PRKACB: variants seen among roughly 807,000 people sequenced by gnomAD.
PRKACB encodes the protein cAMP-dependent protein kinase catalytic subunit beta.
In PRKACB, 16 loss-of-function variants were observed where a neutral mutation model predicts 51.4. That is an observed-to-expected ratio of 0.31 (90% CI 0.21 to 0.47). The LOEUF is 0.47. Among genes scored for constraint, PRKACB ranks in the 20% least tolerant of loss-of-function variants. The pLI, the probability that PRKACB is intolerant of heterozygous loss-of-function variation, is 1.00. For missense variants in PRKACB, 309 were observed against 464.5 expected, an observed-to-expected ratio of 0.67 and a Z score of 3.08; for synonymous variants, 147 against 154.4, an observed-to-expected ratio of 0.95 and a Z score of 0.35.
At chr1:84,120,513 C>A (rs946852880) in intron 1 of PRKACB, among the ~76,000 whole-genome samples, 6 of 151,792 alleles carry the variant, frequency 4.0e-5, no homozygotes, top group Admixed American at 3.3e-4. Flanking sequence ...ATATAAAGAA[C>A]AATAATTGTG....
chr1:84,078,443 A>G, intron 1 of PRKACB: 2 of 1,560,442 alleles, frequency 1.3e-6, no homozygotes, highest in Non-Finnish European at 1.7e-6. Context: ...TCCGGGTCGC[A>G]GCTTCTGAGG....
chr1:84,205,174 C>T lies in PRKACB; in HGVS notation c.906+2369C>T, dbSNP rs985827304. 5 of 983,486 alleles carry T rather than the reference C, an allele frequency of 5.1e-6. No homozygotes were observed. The African/African-American group carries it at 7.0e-5, about 14-fold the overall frequency. 60.9% of individuals were successfully genotyped at this position (983,486 alleles called of 1,614,324 possible). A position where few individuals can be genotyped will look rare whatever the true frequency, so the allele number is the denominator to read the frequency against. The stretch of plus-strand genomic sequence containing the variant: ...GATATAAAATTATCCCCATCTCTTA[C>T]TCCCTTTACTCATCTAAAGTAGAAG... On this transcript the variant is annotated intron_variant, in intron 8 of 9. Transcript: ENST00000370685.
In PRKACB at chr1:84,084,666, C is replaced by G. The variant is rs551468452; in HGVS notation, c.46+6295C>G. Among the ~76,000 whole-genome samples, 5 of 152,192 alleles carry G rather than the reference C, an allele frequency of 3.3e-5. No homozygotes were observed. In the East Asian group the frequency reaches 9.6e-4, roughly 29 times the overall value. On this transcript the variant is annotated intron_variant, in intron 1 of 8. Coordinates refer to the PRKACB transcript ENST00000370688. ...GAAAAATTGAGCAGAATGTATTGTA[C>G]TGATTGCATGTGGGAAATGAGGAAA...
chr1:84,207,251 T>A (rs1393250668), intron 8 of PRKACB, among the ~76,000 whole-genome samples: 1 of 152,168 alleles, frequency 6.6e-6, no homozygotes, highest in Non-Finnish European at 1.5e-5. Context: ...GGGTGGATCA[T>A]AATCCTCTGC....
At chr1:84,106,003 T>TAAC (rs78204383) in intron 1 of PRKACB, among the ~76,000 whole-genome samples, 102,415 of 151,560 alleles carry the variant, frequency 0.68, 35,752 homozygotes, top group Non-Finnish European at 0.79. Flanking sequence ...GTAGAAATAA[T>TAAC]AATAACTATT....
At chr1:84,184,273 T>C (rs904977600) in intron 4 of PRKACB, 138 bp downstream of exon 4, 103 of 685,862 alleles carry the variant, frequency 1.5e-4, no homozygotes, top group Non-Finnish European at 3.3e-5. Context: ...GTTTGTGTAA[T>C]TAAATCCTAT....
intron 1 of PRKACB, among the ~76,000 whole-genome samples, chr1:84,132,992 A>G (rs989529582): frequency 1.3e-5 from 2 of 152,202 alleles, no homozygotes; most frequent in African/African-American, 2.4e-5. Flanking sequence ...TACAAAATCA[A>G]TGACAGACTT....
At chr1:84,136,490 CCACACACACACACA>C (rs60681226) in intron 1 of PRKACB, among the ~76,000 whole-genome samples, 6 of 146,650 alleles carry the variant, frequency 4.1e-5, no homozygotes, top group Non-Finnish European at 7.5e-5. Flanking sequence ...ACGGCCAAAA[CCACACACACACACA>C]CACACACACA....
At chr1:84,165,012 TG>T in intron 1 of PRKACB, 1 of 1,534,074 alleles carries the variant, frequency 6.5e-7, no homozygotes, top group Non-Finnish European at 8.8e-7. Context: ...TCATCATGAG[TG>T]GTAAGTATGC....
At chr1:84,159,435 G>A (rs898891270) in intron 1 of PRKACB, among the ~76,000 whole-genome samples, 1 of 151,906 alleles carries the variant, frequency 6.6e-6, no homozygotes, top group African/African-American at 2.4e-5. Context: ...AAATGTTATT[G>A]ATTTTTATAT....
chr1:84,116,870 A>G (rs1650678847), intron 1 of PRKACB, among the ~76,000 whole-genome samples: 1 of 152,176 alleles, frequency 6.6e-6, no homozygotes, highest in South Asian at 2.1e-4. Context: ...AATAGTAGTT[A>G]AAGTGGGCAT....
rs1663776600 is a variant in PRKACB, at chr1:84,182,347, A to G, written c.378+19A>G. ...GCAGAAGGTGAGTGTATTTGTTGTT[A>G]TTTACCTTCAGGGTAAACTTTAGTT... On this transcript the variant is annotated intron_variant, in intron 3 of 9. Coordinates refer to ENST00000370685, the MANE Select transcript of PRKACB (RefSeq NM_182948.4). 1 of 1,509,682 alleles carries G rather than the reference A, an allele frequency of 6.6e-7. No individual in the cohort carries two copies. The highest frequency in any genetic ancestry group is 1.4e-5 in the African/African-American group (1 of 71,644). 93.5% of individuals were successfully genotyped at this position (1,509,682 alleles called of 1,614,324 possible). A position where few individuals can be genotyped will look rare whatever the true frequency, so the allele number is the denominator to read the frequency against.
intron 1 of PRKACB, among the ~76,000 whole-genome samples, chr1:84,127,306 A>G (rs997842007): frequency 7.2e-5 from 11 of 152,194 alleles, no homozygotes; most frequent in African/African-American, 2.4e-4. Context: ...ATTTAAGCTT[A>G]TCATTAATAA....
At position 84,196,652 on chromosome 1, in the gene PRKACB, G is replaced by A. The variant is rs150449556; in HGVS notation, c.597G>A (p.Val199=). Residue 199 remains valine (V), a synonymous_variant, in exon 6 of 10, where the codon GTG becomes GTA. Transcript: ENST00000370685. ...PHARFYAAQI[V]LTFEYLHSLD... is the part of the protein sequence containing the mutation. ...CACGGTTCTATGCAGCTCAGATAGT[G>A]CTAACATTCGAGTACCTCCATTCAC... 1.3e-3 allele frequency: 2,153 copies of A among 1,613,622 alleles called. 3 individuals are homozygous for A. The highest frequency in any genetic ancestry group is 1.6e-3 in the Non-Finnish European group (1,847 of 1,179,684).
intron 1 of PRKACB, among the ~76,000 whole-genome samples, chr1:84,087,873 A>G (rs1648141463): frequency 6.6e-6 from 1 of 152,170 alleles, no homozygotes; most frequent in Non-Finnish European, 1.5e-5. Context: ...ATTGGCTATA[A>G]TTAATTTATT....
At chr1:84,173,416 A>G in intron 1 of PRKACB, 2 of 1,335,114 alleles carry the variant, frequency 1.5e-6, no homozygotes, top group Admixed American at 2.2e-5. Context: ...CTAAATTTTT[A>G]TGAGATATTT....
chr1:84,232,639 T>G (rs1203122296), intron 9 of PRKACB, among the ~76,000 whole-genome samples: 2 of 152,218 alleles, frequency 1.3e-5, no homozygotes, highest in Non-Finnish European at 2.9e-5. Context: ...GCTCTTCTTG[T>G]TGAATTGATC....
At chr1:84,118,336 T>C (rs977000941) in intron 1 of PRKACB, among the ~76,000 whole-genome samples, 4 of 152,182 alleles carry the variant, frequency 2.6e-5, no homozygotes, top group Non-Finnish European at 5.9e-5. Flanking sequence ...ATTGTGGTTC[T>C]TCTTTCTGGA....
chr1:84,112,959 A>G (rs1650353152), intron 1 of PRKACB, among the ~76,000 whole-genome samples: 1 of 152,184 alleles, frequency 6.6e-6, no homozygotes. Flanking sequence ...CAAGAATAAA[A>G]CTGACAGAGG....
Sources: allele counts gnomAD v4.1 joint callset (sites outside exome capture counted in the v4.1 genomes callset), GRCh38; gene constraint gnomAD v4.1.1; transcripts MANE v1.5; gene names NCBI Gene and HGNC (gene_info 2026-07-23, HGNC 2026-07-21).